Variants in ZNF536 observed in about 807,000 individuals in gnomAD.
The protein encoded by ZNF536 is zinc finger protein 536.
ZNF536 carries 13 observed loss-of-function variants against 84.5 expected under a neutral mutation model. The observed-to-expected ratio is 0.15, with a 90% confidence interval of 0.10 to 0.24. ZNF536 has a LOEUF of 0.24. Ranked by LOEUF, ZNF536 falls within the 10% of genes least tolerant of loss-of-function variation. ZNF536 has a pLI of 1.00. For missense variants in ZNF536, 1,536 were observed against 1,747.5 expected (o/e 0.88, Z 2.16); for synonymous variants, 811 against 742.5 (o/e 1.09, Z -1.50).
chr19:30,708,275 G>C (rs1161371685), intron 1 of ZNF536, among the ~76,000 whole-genome samples: 1 of 152,200 alleles, frequency 6.6e-6, no homozygotes. Context: ...AGAGAATGAA[G>C]TGGCATTTCA....
chr19:30,527,219 CTTTTTTTTTTTTTTTTTT>C (rs56404227), intron 2 of ZNF536, among the ~76,000 whole-genome samples: 6,833 of 106,626 alleles, frequency 0.064, 566 homozygotes, highest in African/African-American at 0.23. Flanking sequence ...ACCCAGCCTC[CTTTTTTTTTTTTTTTTTT>C]TTTTTTTTTT....
intron 1 of ZNF536, among the ~76,000 whole-genome samples, chr19:30,663,637 T>A (rs2050202599): frequency 6.6e-6 from 1 of 152,162 alleles, no homozygotes; most frequent in African/African-American, 2.4e-5. Context: ...CCTTGTTCTG[T>A]CCTGAAATGT....
intron 2 of ZNF536, among the ~76,000 whole-genome samples, chr19:30,446,276 A>G (rs1568440518): frequency 7.4e-6 from 1 of 134,722 alleles, no homozygotes; most frequent in Non-Finnish European, 1.6e-5. Flanking sequence ...AAAAAAAAAG[A>G]AAGAAAGAAA....
chr19:30,396,694 C>T (rs1014785752), intron 1 of ZNF536, among the ~76,000 whole-genome samples: 3 of 151,702 alleles, frequency 2.0e-5, no homozygotes, highest in African/African-American at 7.3e-5. Context: ...TCTGCCCCGC[C>T]GCCAGGTTCA....
Position 30,443,677 on chromosome 19 carries a change from A to C in ZNF536, c.115A>C (p.Ile39Leu), listed in dbSNP as rs368018153. ...QYAMSQKLHQ[I>L]TSQLSHAFPE... ...TGCCATGAGTCAGAAGCTGCACCAG[A>C]TCACCTCCCAGCTCAGCCATGCCTT... is the stretch of plus-strand genomic sequence containing the variant. Residue 39 changes from isoleucine (I) to leucine (L), a missense_variant, in exon 2 of 5, where the codon ATC becomes CTC. Ile to Leu is a conservative substitution (Grantham distance 5, BLOSUM62 2). This residue lies in a region of ZNF536 where 161 missense variants were observed against 178.5 expected (regional missense o/e 0.90). Transcript: ENST00000355537. 37 of 1,613,662 alleles carry C rather than the reference A, an allele frequency of 2.3e-5. No homozygotes were observed. The highest frequency in any genetic ancestry group is 3.0e-5 in the Non-Finnish European group (35 of 1,179,966).
At chr19:30,610,288 G>A (rs2048058838) in intron 1 of ZNF536, among the ~76,000 whole-genome samples, 1 of 152,242 alleles carries the variant, frequency 6.6e-6, no homozygotes, top group Non-Finnish European at 1.5e-5. Flanking sequence ...TGTTGGGACA[G>A]GATAGGGTGT....
Position 30,415,654 on chromosome 19 carries a change from G to A in ZNF536, c.-2-27907G>A, listed in dbSNP as rs370947312. Among the ~76,000 whole-genome samples the A allele has an allele frequency of 6.6e-5, 10 of 151,828 alleles. No individual in the cohort carries two copies. The South Asian group carries it at 1.5e-3, about 22-fold the overall frequency. ...GGGACAGAGTCTTGCTCTGTAGCCC[G>A]GGCTGGAGTGCAGTGGCATGATCTC... On this transcript the variant is annotated intron_variant, in intron 1 of 4. Coordinates refer to ENST00000355537, the MANE Select transcript of ZNF536 (RefSeq NM_014717.3).
chr19:30,302,311 G>A (rs774852713), intron 2 of ZNF536, among the ~76,000 whole-genome samples: 16 of 152,174 alleles, frequency 1.1e-4, no homozygotes, highest in Non-Finnish European at 2.1e-4. Context: ...GGTGGGGAAC[G>A]TGCTGGGAGC....
intron 1 of ZNF536, among the ~76,000 whole-genome samples, chr19:30,249,948 G>A (rs1236773134): frequency 2.6e-5 from 4 of 152,204 alleles, no homozygotes; most frequent in Non-Finnish European, 5.9e-5. Context: ...GGCAAAGGCA[G>A]CACTCCCTGA....
At chr19:30,295,995 C>G (rs1049377886) in intron 2 of ZNF536, among the ~76,000 whole-genome samples, 1 of 152,186 alleles carries the variant, frequency 6.6e-6, no homozygotes, top group Non-Finnish European at 1.5e-5. Flanking sequence ...AGACCAGTGT[C>G]GGGCAGGGCA....
At chr19:30,486,049 T>C (rs1470691649) in intron 2 of ZNF536, among the ~76,000 whole-genome samples, 1 of 152,182 alleles carries the variant, frequency 6.6e-6, no homozygotes, top group Non-Finnish European at 1.5e-5. Flanking sequence ...GAGAGGGTGC[T>C]CAGTCTGCCA....
At chr19:30,415,741 G>T (rs1331746388) in intron 1 of ZNF536, among the ~76,000 whole-genome samples, 2 of 152,094 alleles carry the variant, frequency 1.3e-5, no homozygotes, top group Admixed American at 1.3e-4. Flanking sequence ...CTCCCAAGTA[G>T]CTGGGACTAC....
chr19:30,639,647 T>G (rs772401654), intron 1 of ZNF536, among the ~76,000 whole-genome samples: 1 of 152,246 alleles, frequency 6.6e-6, no homozygotes, highest in Admixed American at 6.5e-5. Flanking sequence ...ATTTCTTATC[T>G]GTTCTTACTC....
intron 1 of ZNF536, among the ~76,000 whole-genome samples, chr19:30,405,560 G>A (rs190221114): frequency 5.9e-4 from 89 of 152,126 alleles, no homozygotes; most frequent in African/African-American, 2.0e-3. Flanking sequence ...GTCTTCCAGG[G>A]AAAGCTTCTC....
rs779825989 is a variant in ZNF536 at position 30,445,497 on chromosome 19, G to A, written c.1935G>A (p.Gln645=). ...DCGRVFRTYH[Q]VVVHSRVHKR... is the part of the protein sequence containing the mutation. ...GCCGGGTGTTCCGCACTTACCACCA[G>A]GTGGTCGTGCACTCCCGTGTCCACA... is the stretch of plus-strand genomic sequence containing the variant. Residue 645 remains glutamine (Q), a synonymous_variant, in exon 2 of 5, where the codon CAG becomes CAA. Coordinates refer to ENST00000355537, the MANE Select transcript of ZNF536 (RefSeq NM_014717.3). The surrounding 1 kb of genome is among the most constrained non-coding windows in gnomAD (Gnocchi z 4.5). 1.5e-5 allele frequency: 25 copies of A among 1,614,000 alleles called. No homozygotes were observed. Among genetic ancestry groups the A allele is most frequent in the Admixed American group, 1.5e-4 (9 of 60,008 alleles).
chr19:30,386,094 T>C (rs1374227469), intron 1 of ZNF536, among the ~76,000 whole-genome samples: 1 of 152,164 alleles, frequency 6.6e-6, no homozygotes, highest in Admixed American at 6.5e-5. Flanking sequence ...CCATCCCACC[T>C]TCCCAGCTTC....
chr19:30,653,584 C>T (rs1411855070), intron 1 of ZNF536, among the ~76,000 whole-genome samples: 3 of 152,064 alleles, frequency 2.0e-5, no homozygotes, highest in Non-Finnish European at 4.4e-5. Flanking sequence ...ATGTCTGGGA[C>T]AAGAGATAGA....
intron 2 of ZNF536, among the ~76,000 whole-genome samples, chr19:30,491,847 T>A (rs1347902677): frequency 1.3e-5 from 2 of 151,846 alleles, no homozygotes; most frequent in Non-Finnish European, 2.9e-5. Flanking sequence ...TTTTTTTTTT[T>A]AAGTGTTCCT....
intron 2 of ZNF536, among the ~76,000 whole-genome samples, chr19:30,292,109 GGT>G (rs1432152180): frequency 1.3e-5 from 2 of 152,080 alleles, no homozygotes; most frequent in Admixed American, 1.3e-4. Context: ...CCTGCCCTAT[GGT>G]AAGTGTTATA....
Sources: allele counts gnomAD v4.1 joint callset (sites outside exome capture counted in the v4.1 genomes callset), GRCh38; gene constraint gnomAD v4.1.1; regional missense constraint gnomAD v4.1.1; non-coding constraint Gnocchi (gnomAD v3.1); transcripts MANE v1.5; gene names NCBI Gene and HGNC (gene_info 2026-07-23, HGNC 2026-07-21).